ZNF7: variants seen among roughly 807,000 people sequenced by gnomAD.
The protein encoded by ZNF7 is C2-H2 type zinc finger protein.
A neutral mutation model predicts 12.0 loss-of-function variants in ZNF7; 10 were observed. The ratio of observed to expected loss-of-function variants is 0.83; its 90% CI spans 0.51 to 1.42. The LOEUF (loss-of-function observed/expected upper bound fraction) is 1.42. Among genes scored for constraint, ZNF7 ranks in the 40% most tolerant of loss-of-function variants. ZNF7 has a pLI of 0.00. For synonymous variants in ZNF7, 334 were observed against 295.0 expected (o/e 1.13, Z -1.35); for missense variants, 854 against 837.2 (o/e 1.02, Z -0.25).
At chr8:144,837,903 T>G in intron 4 of ZNF7, 2 of 603,040 alleles carry the variant, frequency 3.3e-6, no homozygotes, top group Non-Finnish European at 6.0e-6. Flanking sequence ...GGCAGCTCCC[T>G]TCAGACCCTC....
intron 4 of ZNF7, among the ~76,000 whole-genome samples, chr8:144,840,019 C>T (rs187758956): frequency 1.3e-5 from 2 of 152,380 alleles, no homozygotes; most frequent in East Asian, 3.9e-4. Context: ...ACTGCAACCT[C>T]TGCCTGCCAG....
chr8:144,836,315 G>C (rs892611318), intron 3 of ZNF7: 2 of 152,276 alleles, frequency 1.3e-5, no homozygotes, highest in African/African-American at 2.4e-5. Flanking sequence ...CTGAGTGCTA[G>C]AGCAAGACCG....
Position 144,841,934 on chromosome 8 carries a change from A to T in ZNF7, c.827A>T (p.Lys276Ile), listed in dbSNP as rs1829976051. 1 of 1,613,948 alleles carries T rather than the reference A, an allele frequency of 6.2e-7. No individual in the cohort carries two copies. The highest frequency in any genetic ancestry group is 1.3e-5 in the African/African-American group (1 of 74,884). ...NQHQRIHTGE[K>I]PFKCTECGKA... ...CATCAGAGAATCCACACGGGAGAGA[A>T]ACCCTTTAAATGCACTGAGTGTGGA... is the stretch of plus-strand genomic sequence containing the variant. The change falls in exon 5 of 5, where the codon AAA becomes ATA. Residue 276 changes from lysine to isoleucine, a missense_variant. Transcript: ENST00000532777.
At position 144,842,214 on chromosome 8, in the gene ZNF7, G is replaced by A; in HGVS notation, c.1107G>A (p.Lys369=). ...CCTACCCTTGCAAGGAGTGTGGGAAGGCCTTCAGCCAGAGCTCCACCCTAG... is the reference window on the plus strand; with the variant it reads ...CCTACCCTTGCAAGGAGTGTGGGAAAGCCTTCAGCCAGAGCTCCACCCTAG... ...ERPYPCKECG[K]AFSQSSTLAQ... is the part of the protein sequence containing the mutation. The change falls in exon 5 of 5, where the codon AAG becomes AAA. Residue 369 remains lysine, a synonymous_variant. Transcript: ENST00000532777. The A allele has an allele frequency of 1.2e-6, 2 of 1,613,796 alleles. No homozygotes were observed. Among genetic ancestry groups the A allele is most frequent in the Non-Finnish European group, 1.7e-6 (2 of 1,179,920 alleles).
downstream of ZNF7, among the ~76,000 whole-genome samples, chr8:144,845,224 G>A (rs937546033): frequency 1.3e-5 from 2 of 152,204 alleles, no homozygotes; most frequent in African/African-American, 4.8e-5. Context: ...AGGAGGGGAC[G>A]GCAGGCAGAA....
At chr8:144,827,630 CG>C in intron 1 of ZNF7, 21 bp downstream of exon 1, 1 of 985,528 alleles carries the variant, frequency 1.0e-6, no homozygotes, top group South Asian at 4.7e-5. Context: ...GCGGCGGGCG[CG>C]GACTCGGGTT....
At position 144,843,222 on chromosome 8, in the gene ZNF7, CTTAT is replaced by C. The variant is rs1196651899; in HGVS notation, c.*57_*60del. ...TGAATAAACCTATAGCCTTAACTTA[CTTAT>C]TTTATATGGAATCGTTTATACTGAC... On this transcript the variant is annotated 3_prime_UTR_variant, in exon 5 of 5. Transcript: ENST00000532777. The C allele has an allele frequency of 6.7e-7, 1 of 1,494,958 alleles. No individual in the cohort carries two copies. The highest frequency in any genetic ancestry group is 1.4e-5 in the South Asian group (1 of 71,570). 92.6% of individuals were successfully genotyped at this position (1,494,958 alleles called of 1,614,324 possible).
At chr8:144,829,002 T>G (rs1586784817) in intron 1 of ZNF7, 41 bp from the exon 2 acceptor site, 1 of 1,602,748 alleles carries the variant, frequency 6.2e-7, no homozygotes, top group South Asian at 1.1e-5. Flanking sequence ...AAGTTGGGCT[T>G]CTGGCACCTT....
intron 3 of ZNF7, chr8:144,835,551 T>C (rs1184644986): frequency 6.6e-6 from 1 of 152,144 alleles, no homozygotes; most frequent in African/African-American, 2.4e-5. Flanking sequence ...TTATTCTCTG[T>C]TTTTTGGCAG....
Position 144,831,738 on chromosome 8 carries a change from G to A in ZNF7, c.130+2134G>A, listed in dbSNP as rs1207794861. On this transcript the variant is annotated intron_variant, in intron 3 of 4. Coordinates refer to ENST00000532777, the MANE Select transcript of ZNF7 (RefSeq NM_003416.4). ...GCGGAGCTTGCAGCGAGCTGAGATC[G>A]CACCACTGCAATCCGGCCTGGGCAA... 2.2e-5 allele frequency among the ~76,000 whole-genome samples: 2 copies of A among 92,104 alleles called. 1 individual carries two copies. Among genetic ancestry groups the A allele is most frequent in the Non-Finnish European group, 5.3e-5 (2 of 38,036 alleles). 60.4% of individuals were successfully genotyped at this position (92,104 alleles called of 152,430 possible).
chr8:144,838,573 A>G lies in ZNF7; in HGVS notation c.247+1066A>G, dbSNP rs559915600. ...ATCACCGTCACTCCTGCAGCAGGGC[A>G]GGACCAGGTCCTACAGAGGCCACCG... On this transcript the variant is annotated intron_variant, in intron 4 of 4. Coordinates refer to ENST00000532777, the MANE Select transcript of ZNF7 (RefSeq NM_003416.4). The G allele has an allele frequency of 3.0e-5, 5 of 166,252 alleles. No homozygotes were observed. In the South Asian group the frequency reaches 6.4e-4, roughly 21 times the overall value. The allele number at this position is 166,252 out of a possible 1,614,324, so 10.3% of individuals were successfully genotyped here.
chr8:144,844,709 C>CAAAAAAAAAAAA (rs71320849), downstream of ZNF7, among the ~76,000 whole-genome samples: 2 of 88,614 alleles, frequency 2.3e-5, no homozygotes, highest in African/African-American at 8.4e-5. Context: ...GACTCTGTAT[C>CAAAAAAAAAAAA]AAAAAAAAAA....
chr8:144,829,209 C>T (rs1828147083), intron 2 of ZNF7, 119 bp downstream of exon 2: 1 of 1,573,254 alleles, frequency 6.4e-7, no homozygotes, highest in Non-Finnish European at 8.6e-7. Flanking sequence ...GGAAGGCCCC[C>T]TTGCCCCCAA....
At chr8:144,846,311 CAG>C (rs1236020703), downstream of ZNF7, 9 of 858,316 alleles carry the variant, frequency 1.0e-5, no homozygotes, top group African/African-American at 1.4e-4. Flanking sequence ...GGTCCTAAGT[CAG>C]GGGCTGGCAA....
At chr8:144,829,421 C>G in intron 2 of ZNF7, 57 bp from the exon 3 acceptor site, 1 of 1,608,442 alleles carries the variant, frequency 6.2e-7, no homozygotes, top group Non-Finnish European at 8.5e-7. Flanking sequence ...CATGAGGCAG[C>G]GCCAGAAGGG....
In ZNF7 at chr8:144,841,396, A is replaced by G. The variant is rs752215167; in HGVS notation, c.289A>G (p.Met97Val). 1.9e-6 allele frequency: 3 copies of G among 1,613,064 alleles called. No individual in the cohort carries two copies. The highest frequency in any genetic ancestry group is 1.1e-5 in the South Asian group (1 of 91,078). Residue 97 changes from methionine (M) to valine (V), a missense_variant, in exon 5 of 5, where the codon ATG (methionine) becomes GTG (valine). Coordinates refer to ENST00000532777, the MANE Select transcript of ZNF7 (RefSeq NM_003416.4). The part of the protein sequence containing the change: ...RTENEQACED[M>V]DILKSESYGT... The stretch of plus-strand genomic sequence containing the variant: ...TGAAAATGAGCAGGCCTGTGAGGAC[A>G]TGGACATCCTAAAATCAGAATCCTA...
intron 4 of ZNF7, among the ~76,000 whole-genome samples, chr8:144,839,459 T>C (rs553817189): frequency 6.6e-6 from 1 of 152,340 alleles, no homozygotes; most frequent in South Asian, 2.1e-4. Context: ...CAGCCGCCCA[T>C]TAAAATGTCT....
Position 144,837,426 on chromosome 8 carries a change from C to T in ZNF7, c.166C>T (p.Arg56Trp), listed in dbSNP as rs756203746. The change falls in exon 4 of 5, where the codon CGG (arginine) becomes TGG (tryptophan). Residue 56 changes from arginine (R) to tryptophan (W), a missense_variant. By Grantham distance (101) the Arg-to-Trp change is moderately radical. Coordinates refer to ENST00000532777, the MANE Select transcript of ZNF7 (RefSeq NM_003416.4). ...FLVFKPELIS[R>W]LEQGEEPWVL... is the part of the protein sequence containing the mutation. ...GGTTTTCAAGCCTGAGCTGATCTCTCGGCTGGAGCAGGGAGAAGAGCCATG... is the reference window on the plus strand; with the variant it reads ...GGTTTTCAAGCCTGAGCTGATCTCTTGGCTGGAGCAGGGAGAAGAGCCATG... 1.1e-5 allele frequency: 17 copies of T among 1,612,870 alleles called. No individual in the cohort carries two copies. Among genetic ancestry groups the T allele is most frequent in the East Asian group, 6.7e-5 (3 of 44,882 alleles).
Position 144,842,399 on chromosome 8 carries a change from A to G in ZNF7, c.1292A>G (p.His431Arg), listed in dbSNP as rs945780826. ...AGGTGGATCTCTCGCCTGAGTCAGC[A>G]TCAGCTGATTCACACTGGAGAGAAG... ...AFRWISRLSQ[H>R]QLIHTGEKPY... The change falls in exon 5 of 5, where the codon CAT becomes CGT. Residue 431 changes from histidine to arginine, a missense_variant. By Grantham distance (29) the His-to-Arg change is conservative. Transcript: ENST00000532777. 1 of 1,613,992 alleles carries G rather than the reference A, an allele frequency of 6.2e-7. No individual in the cohort carries two copies. The highest frequency in any genetic ancestry group is 8.5e-7 in the Non-Finnish European group (1 of 1,180,040).
Sources: allele counts gnomAD v4.1 joint callset (sites outside exome capture counted in the v4.1 genomes callset), GRCh38; gene constraint gnomAD v4.1.1; transcripts MANE v1.5; gene names NCBI Gene and HGNC (gene_info 2026-07-23, HGNC 2026-07-21).